GABRR2: variants seen among roughly 807,000 people sequenced by gnomAD.
GABRR2 encodes the protein gamma-aminobutyric acid receptor subunit rho-2.
In GABRR2, 36 loss-of-function variants were observed where a neutral mutation model predicts 47.0. The observed-to-expected ratio is 0.77, with a 90% CI of 0.59 to 1.01. The LOEUF is 1.01. Ranked by LOEUF, GABRR2 falls within the 50% of genes least tolerant of loss-of-function variation. The pLI is 0.00. For synonymous variants in GABRR2, 204 were observed against 227.5 expected (o/e 0.90, Z 0.93); for missense variants, 587 against 594.6 (o/e 0.99, Z 0.13).
At chr6:89,299,892 T>G (rs1242506881) in intron 1 of GABRR2, 27 bp from the exon 2 acceptor site, 1 of 1,449,200 alleles carries the variant, frequency 6.9e-7, no homozygotes, top group East Asian at 2.3e-5. Context: ...GAAACTATTT[T>G]CCATCGGCTC....
intron 1 of GABRR2, among the ~76,000 whole-genome samples, chr6:89,300,451 A>G (rs1774646083): frequency 6.6e-6 from 1 of 152,040 alleles, no homozygotes; most frequent in Admixed American, 6.6e-5. Context: ...CGCAGGTTGC[A>G]GTGAGTGGAG....
intron 2 of GABRR2, among the ~76,000 whole-genome samples, chr6:89,284,112 T>C (rs2127841161): frequency 6.6e-6 from 1 of 151,958 alleles, no homozygotes; most frequent in South Asian, 2.1e-4. Context: ...AGTTCAAGAG[T>C]AAGCAAAACT....
intron 2 of GABRR2, among the ~76,000 whole-genome samples, chr6:89,293,202 C>T (rs755174110): frequency 6.6e-6 from 1 of 152,082 alleles, no homozygotes; most frequent in South Asian, 2.1e-4. Flanking sequence ...TCATAAAAGC[C>T]ACTCAAAAGT....
chr6:89,268,654 G>C (rs1428563952), intron 4 of GABRR2, among the ~76,000 whole-genome samples: 1 of 59,284 alleles, frequency 1.7e-5, no homozygotes, highest in Non-Finnish European at 3.6e-5. Flanking sequence ...TTTTTTGGGG[G>C]ACGGGGGGGG....
chr6:89,263,684 G>A (rs1009435009), intron 8 of GABRR2, among the ~76,000 whole-genome samples: 9 of 152,048 alleles, frequency 5.9e-5, no homozygotes, highest in African/African-American at 1.7e-4. Context: ...CACCATGCTC[G>A]GCTAATTTTT....
intron 8 of GABRR2, among the ~76,000 whole-genome samples, chr6:89,258,891 A>G (rs1222674242): frequency 1.4e-5 from 2 of 146,942 alleles, no homozygotes; most frequent in Non-Finnish European, 3.0e-5. Context: ...TATGCATTGA[A>G]TGCATAATAC....
intron 1 of GABRR2, among the ~76,000 whole-genome samples, chr6:89,300,467 G>A (rs965717866): frequency 9.2e-5 from 14 of 151,640 alleles, no homozygotes; most frequent in South Asian, 4.2e-4. Context: ...TGGAGATTGC[G>A]CCACCCGGGT....
rs754367318 is a variant in GABRR2 at position 89,268,994 on chromosome 6, G to A, written c.512+17C>T. 6.2e-6 allele frequency: 10 copies of A among 1,606,246 alleles called. No individual in the cohort carries two copies. The African/African-American group carries it at 1.3e-4, about 21-fold the overall frequency. Reference sequence around the variant, plus strand: ...GAAAGGCACTGGACAGAGGAACAATGGCCCCCAGACAGCTACCTCATGCTG... The same window carrying A: ...GAAAGGCACTGGACAGAGGAACAATAGCCCCCAGACAGCTACCTCATGCTG... On this transcript the variant is annotated intron_variant, in intron 4 of 8. Transcript: ENST00000402938.
intron 2 of GABRR2, among the ~76,000 whole-genome samples, chr6:89,286,767 A>G (rs929099636): frequency 4.6e-5 from 7 of 152,104 alleles, no homozygotes; most frequent in Non-Finnish European, 1.0e-4. Flanking sequence ...GACACAGGGC[A>G]GGGAGGGAAG....
chr6:89,268,666 CT>C (rs202169471), intron 4 of GABRR2, among the ~76,000 whole-genome samples: 2,098 of 140,046 alleles, frequency 0.015, 34 homozygotes, highest in Non-Finnish European at 0.022. Context: ...CGGGGGGGGG[CT>C]TTTTTTTTAA....
rs1356716564 is a variant in GABRR2, at chr6:89,257,790, C to G, written c.1278G>C (p.Leu426=). 9 of 1,613,936 alleles carry G rather than the reference C, an allele frequency of 5.6e-6. No homozygotes were observed. Among genetic ancestry groups the G allele is most frequent in the Non-Finnish European group, 6.8e-6 (8 of 1,179,906 alleles). The part of the protein sequence containing the change: ...EANAARKKGL[L]KGQTGFRIFQ... Reference sequence around the variant, plus strand: ...AGATACGAAAACCCGTCTGGCCCTTCAGAAGCCCCTTCTTTCTGGCAGCGT... The same window carrying G: ...AGATACGAAAACCCGTCTGGCCCTTGAGAAGCCCCTTCTTTCTGGCAGCGT... Residue 426 remains leucine (L), a synonymous_variant, in exon 9 of 9, where the codon CTG becomes CTC. Transcript: ENST00000402938.
chr6:89,283,514 C>A (rs1286355929), intron 2 of GABRR2, among the ~76,000 whole-genome samples: 2 of 151,954 alleles, frequency 1.3e-5, no homozygotes, highest in African/African-American at 2.4e-5. Flanking sequence ...GTAAAAAAAA[C>A]CAATGTACAG....
intron 1 of GABRR2, chr6:89,302,914 T>G (rs1202933229): frequency 5.1e-6 from 6 of 1,170,534 alleles, no homozygotes; most frequent in Non-Finnish European, 6.1e-6. Context: ...CTCAGAGCAG[T>G]TCACGGACAT....
chr6:89,309,625 G>A (rs1328858094), intron 1 of GABRR2, among the ~76,000 whole-genome samples: 4 of 152,038 alleles, frequency 2.6e-5, no homozygotes, highest in African/African-American at 9.7e-5. Context: ...CAGCATAATT[G>A]AGCAGAAGGT....
At chr6:89,265,820 T>C in intron 6 of GABRR2, 55 bp from the exon 7 acceptor site, 1 of 1,575,632 alleles carries the variant, frequency 6.3e-7, no homozygotes, top group Non-Finnish European at 8.7e-7. Context: ...GAAAGCAAAC[T>C]GTGTCCCTGG....
intron 2 of GABRR2, among the ~76,000 whole-genome samples, chr6:89,282,027 G>A (rs543250184): frequency 8.5e-5 from 13 of 152,224 alleles, no homozygotes; most frequent in South Asian, 2.1e-4. Context: ...CAACTCATCC[G>A]TCCAGCCACC....
intron 2 of GABRR2, among the ~76,000 whole-genome samples, chr6:89,292,348 A>T (rs1270149368): frequency 2.6e-4 from 2 of 7,630 alleles, no homozygotes; most frequent in Non-Finnish European, 3.4e-4. Flanking sequence ...AAAAAATTTT[A>T]TATATATATA....
chr6:89,257,734 G>T lies in GABRR2; in HGVS notation c.1334C>A (p.Ser445Tyr). The T allele has an allele frequency of 6.2e-7, 1 of 1,614,012 alleles. No homozygotes were observed. Among genetic ancestry groups the T allele is most frequent in the Non-Finnish European group, 8.5e-7 (1 of 1,179,870 alleles). Residue 445 changes from serine to tyrosine, a missense_variant, in exon 9 of 9, where the codon TCT (serine) becomes TAT (tyrosine). Ser to Tyr is a moderately radical substitution (Grantham distance 144). Transcript: ENST00000402938. ...GTAGGAGGCAGGGAATATCAACCTA[G>T]AGTATTTGTCAATGGCATGGGTATT... Reference protein sequence around the residue: ...FQNTHAIDKYSRLIFPASYIF... With the variant: ...FQNTHAIDKYYRLIFPASYIF...
At chr6:89,280,092 C>T (rs1340462552) in intron 2 of GABRR2, among the ~76,000 whole-genome samples, 17 of 151,798 alleles carry the variant, frequency 1.1e-4, no homozygotes, top group Non-Finnish European at 2.4e-4. Context: ...TGCCTGTAAT[C>T]TCAGCTACTT....
Sources: allele counts gnomAD v4.1 joint callset (sites outside exome capture counted in the v4.1 genomes callset), GRCh38; gene constraint gnomAD v4.1.1; transcripts MANE v1.5; gene names NCBI Gene and HGNC (gene_info 2026-07-23, HGNC 2026-07-21).